The following WWOX variants were observed in gnomAD, a reference collection of about 807,000 sequenced individuals.
The protein encoded by WWOX is WW domain containing oxidoreductase.
A neutral mutation model predicts 46.2 loss-of-function variants in WWOX; 69 were observed. The ratio of observed to expected loss-of-function variants is 1.49; its 90% confidence interval spans 1.23 to 1.82. WWOX has a LOEUF of 1.82. Among genes scored for constraint, WWOX ranks in the 40% most tolerant of loss-of-function variants. WWOX has a pLI of 0.00. For missense variants in WWOX, 919 were observed against 542.6 expected (o/e 1.69, Z -6.89); for synonymous variants, 359 against 202.6 (o/e 1.77, Z -6.56).
At chr16:78,715,353 G>T (rs112080360) in intron 8 of WWOX, among the ~76,000 whole-genome samples, 1 of 152,124 alleles carries the variant, frequency 6.6e-6, no homozygotes, top group Non-Finnish European at 1.5e-5. Flanking sequence ...TTCATCCCCA[G>T]CTTTGTGATT....
chr16:79,103,098 C>T (rs1400466146), intron 8 of WWOX, among the ~76,000 whole-genome samples: 1 of 152,066 alleles, frequency 6.6e-6, no homozygotes, highest in Non-Finnish European at 1.5e-5. Context: ...CAAATATTCA[C>T]CTAAGTGGTT....
chr16:78,610,143 C>T (rs909528231), intron 8 of WWOX, among the ~76,000 whole-genome samples: 1 of 152,164 alleles, frequency 6.6e-6, no homozygotes, highest in Admixed American at 6.5e-5. Flanking sequence ...TCACTTGGTG[C>T]CTTTGAAGGG....
At chr16:78,143,203 C>G (rs2034046502) in intron 4 of WWOX, among the ~76,000 whole-genome samples, 1 of 152,108 alleles carries the variant, frequency 6.6e-6, no homozygotes, top group South Asian at 2.1e-4. Flanking sequence ...ATGAGATTCT[C>G]TTTATATCTG....
chr16:78,653,613 G>A (rs567538233), intron 8 of WWOX, among the ~76,000 whole-genome samples: 1 of 152,336 alleles, frequency 6.6e-6, no homozygotes, highest in South Asian at 2.1e-4. Context: ...TGCCAGCTTG[G>A]GTTTGGACAA....
intron 8 of WWOX, among the ~76,000 whole-genome samples, chr16:78,649,264 C>T (rs1306163885): frequency 6.6e-5 from 10 of 152,166 alleles, no homozygotes; most frequent in South Asian, 2.1e-4. Context: ...GGATTACAGG[C>T]GTGAGCCACC....
intron 1 of WWOX, among the ~76,000 whole-genome samples, chr16:78,100,393 C>A (rs2031692354): frequency 1.3e-5 from 2 of 152,160 alleles, no homozygotes; most frequent in South Asian, 2.1e-4. Context: ...GCTGGGACTA[C>A]AAGCGTGCAC....
intron 4 of WWOX, among the ~76,000 whole-genome samples, chr16:78,119,654 G>A (rs200178272): frequency 2.6e-5 from 4 of 151,478 alleles, no homozygotes; most frequent in South Asian, 4.2e-4. Flanking sequence ...GTTTGAGATG[G>A]GGTCTCACTG....
intron 8 of WWOX, among the ~76,000 whole-genome samples, chr16:78,906,623 C>T (rs908244626): frequency 1.3e-5 from 2 of 152,172 alleles, no homozygotes; most frequent in Non-Finnish European, 2.9e-5. Context: ...CAAAACCATG[C>T]CAGTCAGCTT....
intron 8 of WWOX, among the ~76,000 whole-genome samples, chr16:78,962,269 C>T (rs903295726): frequency 5.8e-5 from 8 of 138,774 alleles, no homozygotes; most frequent in Non-Finnish European, 1.2e-4. Context: ...AATTCTGTGC[C>T]AGAAGGAAGA....
Position 78,426,946 on chromosome 16 carries a change from G to C in WWOX, c.791+1891G>C, listed in dbSNP as rs1328771452. Among the ~76,000 whole-genome samples the C allele has an allele frequency of 2.0e-5, 3 of 152,222 alleles. No homozygotes were observed. The South Asian group carries it at 6.2e-4, about 32-fold the overall frequency. On this transcript the variant is annotated intron_variant, in intron 7 of 8. Coordinates refer to ENST00000566780, the MANE Select transcript of WWOX (RefSeq NM_016373.4). Reference sequence around the variant, plus strand: ...CACAGTGCTGTGATTACAGGCGTGAGCCACCACGCCCGGCCTCTTTGCACA... The same window carrying C: ...CACAGTGCTGTGATTACAGGCGTGACCCACCACGCCCGGCCTCTTTGCACA...
intron 8 of WWOX, among the ~76,000 whole-genome samples, chr16:78,611,972 C>T (rs1023975149): frequency 6.6e-6 from 1 of 152,210 alleles, no homozygotes; most frequent in African/African-American, 2.4e-5. Flanking sequence ...GCCATACAGC[C>T]TAGCCCACAG....
chr16:78,778,938 C>G (rs1038518872), intron 8 of WWOX, among the ~76,000 whole-genome samples: 5 of 152,118 alleles, frequency 3.3e-5, no homozygotes, highest in Admixed American at 6.5e-5. Flanking sequence ...CCTTGTTCAC[C>G]CCTTGGCAAT....
chr16:78,505,093 C>G (rs1249338052), intron 8 of WWOX, among the ~76,000 whole-genome samples: 1 of 152,136 alleles, frequency 6.6e-6, no homozygotes, highest in African/African-American at 2.4e-5. Context: ...GCCGCCGAAG[C>G]ACAATAGGGT....
intron 5 of WWOX, among the ~76,000 whole-genome samples, chr16:78,222,564 C>T (rs983561556): frequency 2.6e-5 from 4 of 152,158 alleles, no homozygotes; most frequent in East Asian, 1.9e-4. Context: ...ACTTTAGGCA[C>T]AGCGCTAGTG....
At position 78,495,089 on chromosome 16, in the gene WWOX, G is replaced by A. The variant is rs115857654; in HGVS notation, c.1056+62337G>A. 7.3e-3 allele frequency among the ~76,000 whole-genome samples: 1,107 copies of A among 150,878 alleles called. 16 individuals are homozygous for A. Among genetic ancestry groups the A allele is most frequent in the African/African-American group, 0.023 (932 of 41,180 alleles). On this transcript the variant is annotated intron_variant, in intron 8 of 8. Transcript: ENST00000566780. ...AAAATTAAAAATAATTATTTAAGCT[G>A]CATCTGTGTGCTTATAAGAAAAGAT... is the stretch of plus-strand genomic sequence containing the variant.
rs1229587580 is a variant in WWOX, at chr16:79,096,464, C to A, written c.1057-115144C>A. Among the ~76,000 whole-genome samples the A allele has an allele frequency of 2.0e-5, 3 of 152,188 alleles. No homozygotes were observed. The East Asian group carries it at 5.8e-4, about 30-fold the overall frequency. ...TCCCTGCTGTTCAATGGAATGAGAC[C>A]CATGCCCCTCCTGGTTATCCCACTC... On this transcript the variant is annotated intron_variant, in intron 8 of 8. Coordinates refer to ENST00000566780, the MANE Select transcript of WWOX (RefSeq NM_016373.4).
intron 8 of WWOX, among the ~76,000 whole-genome samples, chr16:79,030,608 A>G (rs912745502): frequency 6.6e-6 from 1 of 152,216 alleles, no homozygotes; most frequent in African/African-American, 2.4e-5. Context: ...TGGCTTCTCC[A>G]AAGATTAGAC....
chr16:78,338,013 G>C (rs985532045), intron 5 of WWOX, among the ~76,000 whole-genome samples: 1 of 119,912 alleles, frequency 8.3e-6, no homozygotes, highest in East Asian at 1.9e-4. Flanking sequence ...GAGGATAGCA[G>C]TTTCTTTTGT....
At position 78,406,360 on chromosome 16, in the gene WWOX, TTA is replaced by T. The variant is rs1389539889; in HGVS notation, c.606-18508_606-18507del. On this transcript the variant is annotated intron_variant, in intron 6 of 8. Transcript: ENST00000566780. Reference sequence around the variant, plus strand: ...TATATATATATATATATATATTTTATTATTTTTTTTTGAGACGGAGTCTTGCT... The same window carrying T: ...TATATATATATATATATATATTTTATTTTTTTTTTGAGACGGAGTCTTGCT... Among the ~76,000 whole-genome samples, 20 of 110,538 alleles carry T rather than the reference TTA, an allele frequency of 1.8e-4. 2 individuals carry two copies. Among genetic ancestry groups the T allele is most frequent in the African/African-American group, 9.1e-4 (20 of 21,982 alleles). The allele number at this position is 110,538 out of a possible 152,430, so 72.5% of individuals were successfully genotyped here.
Sources: allele counts gnomAD v4.1 joint callset (sites outside exome capture counted in the v4.1 genomes callset), GRCh38; gene constraint gnomAD v4.1.1; transcripts MANE v1.5; gene names NCBI Gene and HGNC (gene_info 2026-07-23, HGNC 2026-07-21).